Variants in CDKAL1 observed in about 807,000 individuals in gnomAD.
CDKAL1 encodes CDKAL1 threonylcarbamoyladenosine tRNA methylthiotransferase.
A neutral mutation model predicts 68.2 loss-of-function variants in CDKAL1; 32 were observed. The ratio of observed to expected loss-of-function variants is 0.47; its 90% confidence interval spans 0.35 to 0.63. CDKAL1 has a LOEUF of 0.63. Among genes scored for constraint, CDKAL1 ranks in the 30% least tolerant of loss-of-function variants. The pLI, the probability that CDKAL1 is intolerant of heterozygous loss-of-function variation, is 0.00. For synonymous variants in CDKAL1, 234 were observed against 244.3 expected (o/e 0.96, Z 0.39); for missense variants, 606 against 696.7 (o/e 0.87, Z 1.47).
At chr6:21,059,724 G>A (rs1771036536) in intron 11 of CDKAL1, among the ~76,000 whole-genome samples, 1 of 150,662 alleles carries the variant, frequency 6.6e-6, no homozygotes, top group Non-Finnish European at 1.5e-5. Flanking sequence ...ACTGATGGCA[G>A]CTGCTTCTAA....
At chr6:20,738,261 T>C (rs985788125) in intron 5 of CDKAL1, among the ~76,000 whole-genome samples, 2 of 152,060 alleles carry the variant, frequency 1.3e-5, no homozygotes, top group African/African-American at 4.8e-5. Flanking sequence ...GACTTGAAAA[T>C]TTAATTTTAA....
chr6:20,866,368 G>C (rs753221458), intron 9 of CDKAL1, among the ~76,000 whole-genome samples: 1 of 152,118 alleles, frequency 6.6e-6, no homozygotes, highest in Admixed American at 6.5e-5. Context: ...GCTGTTCTAA[G>C]GGAAACCTAT....
chr6:20,656,923 A>G lies in CDKAL1; in HGVS notation c.371+7546A>G, dbSNP rs1346429289. Among the ~76,000 whole-genome samples, 4 of 152,222 alleles carry G rather than the reference A, an allele frequency of 2.6e-5. 1 individual carries two copies. Among genetic ancestry groups the G allele is most frequent in the Admixed American group, 2.6e-4 (4 of 15,284 alleles). On this transcript the variant is annotated intron_variant, in intron 5 of 15. Transcript: ENST00000274695. ...TTAATGGCCTTGAAGACTTTTGATCATCACAACTAATTCTTATTAAGATAA... is the reference window on the plus strand; with the variant it reads ...TTAATGGCCTTGAAGACTTTTGATCGTCACAACTAATTCTTATTAAGATAA...
At position 21,147,117 on chromosome 6, in the gene CDKAL1, A is replaced by G. The variant is rs1180975530; in HGVS notation, c.1299+38654A>G. On this transcript the variant is annotated intron_variant, in intron 13 of 15. Coordinates refer to ENST00000274695, the MANE Select transcript of CDKAL1 (RefSeq NM_017774.3). ...GTGAATACCTAGAACCTACGGTCCA[A>G]CAGGTAGTCTTTTGCTGTGCAAGCA... Among the ~76,000 whole-genome samples the G allele has an allele frequency of 2.0e-5, 3 of 152,184 alleles. No homozygotes were observed. In the East Asian group the frequency reaches 5.8e-4, roughly 29 times the overall value.
At chr6:20,561,439 CAAAAAAGAAAAA>C (rs1398620099) in intron 4 of CDKAL1, among the ~76,000 whole-genome samples, 1 of 65,702 alleles carries the variant, frequency 1.5e-5, no homozygotes, top group Admixed American at 2.5e-4. Flanking sequence ...AAGACCATCT[CAAAAAAGAAAAA>C]AAAAAAAAAA....
At chr6:20,971,070 A>G (rs559361329) in intron 10 of CDKAL1, among the ~76,000 whole-genome samples, 2 of 152,258 alleles carry the variant, frequency 1.3e-5, no homozygotes, top group African/African-American at 4.8e-5. Context: ...GCTGGTCTCT[A>G]ACTCCTGACC....
chr6:20,898,599 A>G (rs1204513082), intron 9 of CDKAL1, among the ~76,000 whole-genome samples: 1 of 151,914 alleles, frequency 6.6e-6, no homozygotes, highest in Non-Finnish European at 1.5e-5. Flanking sequence ...TCTGAAATCA[A>G]AGAGATGGAA....
intron 7 of CDKAL1, among the ~76,000 whole-genome samples, chr6:20,776,199 C>G (rs1207261567): frequency 6.6e-6 from 1 of 152,164 alleles, no homozygotes; most frequent in African/African-American, 2.4e-5. Context: ...TTGTCTCATG[C>G]AAGTATGAAA....
chr6:20,925,098 G>A (rs546491772), intron 9 of CDKAL1, among the ~76,000 whole-genome samples: 1 of 152,190 alleles, frequency 6.6e-6, no homozygotes, highest in South Asian at 2.1e-4. Context: ...AATTGCCATG[G>A]GCATCCCAAC....
chr6:21,180,709 T>C (rs1268521585), intron 13 of CDKAL1, among the ~76,000 whole-genome samples: 1 of 152,230 alleles, frequency 6.6e-6, no homozygotes, highest in East Asian at 1.9e-4. Context: ...CTTGTATGTC[T>C]GCTAAAAAAG....
intron 4 of CDKAL1, among the ~76,000 whole-genome samples, chr6:20,633,636 T>G (rs1366927747): frequency 6.6e-6 from 1 of 152,162 alleles, no homozygotes; most frequent in Non-Finnish European, 1.5e-5. Context: ...GCCAAACCAT[T>G]TTACATTTTG....
At chr6:20,566,900 A>G (rs977980510) in intron 4 of CDKAL1, among the ~76,000 whole-genome samples, 28 of 152,134 alleles carry the variant, frequency 1.8e-4, no homozygotes, top group Non-Finnish European at 3.4e-4. Flanking sequence ...AAGGAAAACA[A>G]TTTATGTACC....
intron 8 of CDKAL1, among the ~76,000 whole-genome samples, chr6:20,844,247 C>G (rs1393469746): frequency 6.6e-6 from 1 of 152,102 alleles, no homozygotes; most frequent in Non-Finnish European, 1.5e-5. Context: ...TATTTAGCTT[C>G]AAGAAGATGA....
intron 9 of CDKAL1, among the ~76,000 whole-genome samples, chr6:20,889,277 T>C (rs569403773): frequency 6.6e-6 from 1 of 152,238 alleles, no homozygotes; most frequent in Non-Finnish European, 1.5e-5. Context: ...ATTAGCCCTT[T>C]GTCAGATGAG....
chr6:20,832,820 A>G (rs1007223198), intron 8 of CDKAL1, among the ~76,000 whole-genome samples: 8 of 152,232 alleles, frequency 5.3e-5, no homozygotes, highest in Non-Finnish European at 1.2e-4. Flanking sequence ...ATGACATATA[A>G]TGACATAGTT....
chr6:20,879,411 A>G (rs1187036817), intron 9 of CDKAL1, among the ~76,000 whole-genome samples: 2 of 152,202 alleles, frequency 1.3e-5, no homozygotes, highest in Non-Finnish European at 2.9e-5. Context: ...CTCAATATAT[A>G]ATATCTCCCG....
chr6:20,981,894 C>G (rs184379275), intron 10 of CDKAL1, among the ~76,000 whole-genome samples: 368 of 152,256 alleles, frequency 2.4e-3, no homozygotes, highest in African/African-American at 8.6e-3. Flanking sequence ...CTTCCTAGTT[C>G]ACTTCAGCAT....
intron 11 of CDKAL1, 51 bp downstream of exon 11, chr6:21,000,423 G>C (rs183568838): frequency 6.6e-7 from 1 of 1,519,356 alleles, no homozygotes; most frequent in African/African-American, 1.4e-5. Context: ...TCTTTCAAAA[G>C]CTTGTGGCAA....
intron 5 of CDKAL1, among the ~76,000 whole-genome samples, chr6:20,672,502 C>T (rs1331293166): frequency 6.6e-6 from 1 of 150,452 alleles, no homozygotes; most frequent in Non-Finnish European, 1.5e-5. Context: ...TTACTATTAG[C>T]CACCATGCCT....
Sources: gnomAD v4.1 joint callset for allele counts (sites outside exome capture counted in the v4.1 genomes callset) on GRCh38, gnomAD v4.1.1 for gene constraint, MANE v1.5 for transcripts, NCBI Gene and HGNC (gene_info 2026-07-23, HGNC 2026-07-21) for gene names.